The following SORL1-AS1 variants were observed in gnomAD, a reference collection of about 807,000 sequenced individuals.
SORL1-AS1 encodes the protein lncRNA 51 A.
chr11:121,440,535 C>G, the SORL1-AS1 span, among the ~76,000 whole-genome samples: 1 of 152,216 alleles, frequency 6.6e-6, no homozygotes, highest in Non-Finnish European at 1.5e-5. Context: ...TCTTTCTCTC[C>G]TGATTCATAG....
rs1408970406 is a variant in SORL1-AS1, at chr11:121,452,233, G to A, written n.339+442C>T. The A allele has an allele frequency of 1.0e-6, 1 of 1,001,506 alleles. No homozygotes were observed. Among genetic ancestry groups the A allele is most frequent in the African/African-American group, 1.7e-5 (1 of 58,398 alleles). The allele number at this position is 1,001,506 out of a possible 1,614,324, so 62.0% of individuals were successfully genotyped here. ...AGCGGCGCGGGCGGCCTGGAGCCCC[G>A]GGAGCGGCGCGCGCGGTCCCGGCCC... On this transcript the variant is annotated intron_variant and non_coding_transcript_variant, in intron 1 of 1. Transcript: ENST00000501964. This position sits in a 1 kb window ranked among gnomAD's most constrained non-coding sequence, Gnocchi z 5.3.
downstream of SORL1-AS1, among the ~76,000 whole-genome samples, chr11:121,446,927 C>G (rs1347207891): frequency 6.6e-6 from 1 of 152,202 alleles, no homozygotes; most frequent in Admixed American, 6.5e-5. Flanking sequence ...CCAGGCTCGT[C>G]TGTGCCTAAC....
chr11:121,444,911 A>G (rs1860704825), downstream of SORL1-AS1, among the ~76,000 whole-genome samples: 1 of 152,206 alleles, frequency 6.6e-6, no homozygotes, highest in Non-Finnish European at 1.5e-5. Context: ...TTAGCACTGA[A>G]GCTTCTGTTG....
chr11:121,444,356 AT>A (rs1161273039), downstream of SORL1-AS1, among the ~76,000 whole-genome samples: 1 of 152,232 alleles, frequency 6.6e-6, no homozygotes, highest in Non-Finnish European at 1.5e-5. Context: ...TTTCTAAACC[AT>A]TGACATGTAA....
Position 121,452,433 on chromosome 11 carries a change from G to A in SORL1-AS1, n.339+242C>T, listed in dbSNP as rs747778796. 8 of 1,504,656 alleles carry A rather than the reference G, an allele frequency of 5.3e-6. No individual in the cohort carries two copies. The East Asian group carries it at 2.2e-4, about 42-fold the overall frequency. 93.2% of individuals were successfully genotyped at this position (1,504,656 alleles called of 1,614,324 possible). The stretch of plus-strand genomic sequence containing the variant: ...CTCTCTGCGAAGTCTGGACGCAGAG[G>A]CTGCACGGCGGCAGCGCGCCCTTGC... On this transcript the variant is annotated intron_variant and non_coding_transcript_variant, in intron 1 of 1. Coordinates refer to ENST00000501964, the Ensembl canonical transcript of SORL1-AS1. This position sits in a 1 kb window ranked among gnomAD's most constrained non-coding sequence, Gnocchi z 5.3.
exon 2 of SORL1-AS1, chr11:121,447,634 G>A (rs1486805482): frequency 6.6e-6 from 1 of 152,036 alleles, no homozygotes; most frequent in South Asian, 2.1e-4. Flanking sequence ...TAAAACTTGC[G>A]CTCTCTCACA....
chr11:121,452,832 A>G lies in SORL1-AS1; in HGVS notation n.182T>C, dbSNP rs1211617923. On this transcript the variant is annotated non_coding_transcript_exon_variant, in exon 1 of 2. Transcript: ENST00000501964. This position sits in a 1 kb window ranked among gnomAD's most constrained non-coding sequence, Gnocchi z 5.3. ...CGATTTAGTAAACGTATTCCAGGTA[A>G]CTCGCCGGGTGCAGTGCGTATTACC... is the stretch of plus-strand genomic sequence containing the variant. 6.3e-6 allele frequency: 3 copies of G among 478,464 alleles called. No individual in the cohort carries two copies. The highest frequency in any genetic ancestry group is 1.1e-5 in the Non-Finnish European group (3 of 277,074). The allele number at this position is 478,464 out of a possible 1,614,324, so 29.6% of individuals were successfully genotyped here.
chr11:121,441,920 G>C, the SORL1-AS1 span, among the ~76,000 whole-genome samples: 2 of 152,168 alleles, frequency 1.3e-5, no homozygotes, highest in African/African-American at 2.4e-5. Flanking sequence ...CTAAAAACCC[G>C]TGTGCCACTA....
chr11:121,442,748 G>A (rs1362608341), downstream of SORL1-AS1, among the ~76,000 whole-genome samples: 7 of 147,102 alleles, frequency 4.8e-5, no homozygotes, highest in African/African-American at 1.5e-4. Context: ...GCGTGATCTC[G>A]GCTCACTGCA....
downstream of SORL1-AS1, among the ~76,000 whole-genome samples, chr11:121,442,495 C>G (rs370883032): frequency 1.2e-3 from 182 of 151,286 alleles, no homozygotes; most frequent in African/African-American, 4.1e-3. Flanking sequence ...ATTAACTGGG[C>G]GTGGTGGCAC....
At chr11:121,439,552 T>C in the SORL1-AS1 span, among the ~76,000 whole-genome samples, 3 of 152,030 alleles carry the variant, frequency 2.0e-5, no homozygotes, top group Admixed American at 1.3e-4. Context: ...TGTCTGTATA[T>C]CTTCTATGAG....
In SORL1-AS1 at chr11:121,452,597, CCAT is replaced by C. The variant is rs1860821159; in HGVS notation, n.339+75_339+77del. 2.0e-6 allele frequency: 3 copies of C among 1,518,994 alleles called. No homozygotes were observed. In the South Asian group the frequency reaches 3.6e-5, roughly 18 times the overall value. 94.1% of individuals were successfully genotyped at this position (1,518,994 alleles called of 1,614,324 possible). A position where few individuals can be genotyped will look rare whatever the true frequency, so the allele number is the denominator to read the frequency against. ...CGGAGCGCTGCCCTGCAGCCCGAGC[CCAT>C]CAAGGTGTACGGACAGGTGAGCAGT... On this transcript the variant is annotated intron_variant and non_coding_transcript_variant, in intron 1 of 1. Coordinates refer to ENST00000501964, the Ensembl canonical transcript of SORL1-AS1. The surrounding 1 kb of genome is among the most constrained non-coding windows in gnomAD (Gnocchi z 5.3).
downstream of SORL1-AS1, among the ~76,000 whole-genome samples, chr11:121,444,777 C>T (rs189991196): frequency 5.3e-5 from 8 of 152,246 alleles, no homozygotes; most frequent in Admixed American, 4.6e-4. Context: ...TATTCCATGG[C>T]GTCATTATCA....
At chr11:121,451,594 G>A (rs896403822) in intron 1 of SORL1-AS1, among the ~76,000 whole-genome samples, 32 of 152,208 alleles carry the variant, frequency 2.1e-4, no homozygotes, top group Non-Finnish European at 3.5e-4. Flanking sequence ...TTTGTCAGAT[G>A]TACCCTTGTT....
chr11:121,451,741 A>G (rs889493017), intron 1 of SORL1-AS1, among the ~76,000 whole-genome samples: 15 of 152,150 alleles, frequency 9.9e-5, no homozygotes, highest in Non-Finnish European at 1.3e-4. Flanking sequence ...GAGTTTCCCA[A>G]TAGAGCGGGT....
At chr11:121,438,896 C>T in the SORL1-AS1 span, among the ~76,000 whole-genome samples, 4 of 152,106 alleles carry the variant, frequency 2.6e-5, no homozygotes, top group Admixed American at 6.5e-5. Flanking sequence ...TGTGGTGGCA[C>T]GTGCCTGTAG....
rs1490473461 is a variant in SORL1-AS1, at chr11:121,452,198, G to GGCGGCCCGGA, written n.339+467_339+476dup. 3 of 404,028 alleles carry GGCGGCCCGGA rather than the reference G, an allele frequency of 7.4e-6. No homozygotes were observed. Among genetic ancestry groups the GGCGGCCCGGA allele is most frequent in the Admixed American group, 6.4e-5 (1 of 15,608 alleles). 25.0% of individuals were successfully genotyped at this position (404,028 alleles called of 1,614,324 possible). ...GCGGCAGCGGCGGCGGGCGCAGCGG[G>GGCGGCCCGGA]GCGGCCCGGAGCGGCGCGGGCGGCC... On this transcript the variant is annotated intron_variant and non_coding_transcript_variant, in intron 1 of 1. Transcript: ENST00000501964. The surrounding 1 kb of genome is among the most constrained non-coding windows in gnomAD (Gnocchi z 5.3).
At chr11:121,446,643 C>T (rs1173796190), downstream of SORL1-AS1, among the ~76,000 whole-genome samples, 3 of 151,408 alleles carry the variant, frequency 2.0e-5, no homozygotes, top group African/African-American at 4.9e-5. Flanking sequence ...CCCAGCTACT[C>T]GGGAGGCTGA....
At chr11:121,444,649 G>T (rs1310078370), downstream of SORL1-AS1, among the ~76,000 whole-genome samples, 1 of 152,180 alleles carries the variant, frequency 6.6e-6, no homozygotes, top group Non-Finnish European at 1.5e-5. Context: ...GGGTGGACAG[G>T]ATCTGACTTC....
Sources: allele counts gnomAD v4.1 joint callset (sites outside exome capture counted in the v4.1 genomes callset), GRCh38; gene constraint gnomAD v4.1.1; non-coding constraint Gnocchi (gnomAD v3.1); transcripts MANE v1.5; gene names NCBI Gene and HGNC (gene_info 2026-07-23, HGNC 2026-07-21).